NTM: variants seen among roughly 807,000 people sequenced by gnomAD.
NTM encodes the protein neurotrimin.
Under a neutral mutation model 42.1 loss-of-function variants are expected in NTM, and 13 were observed. The ratio of observed to expected loss-of-function variants is 0.31; its 90% CI spans 0.20 to 0.49. NTM has a LOEUF of 0.49. Among genes scored for constraint, NTM ranks in the 20% least tolerant of loss-of-function variants. The pLI, the probability that NTM is intolerant of heterozygous loss-of-function variation, is 0.99. For synonymous variants in NTM, 187 were observed against 179.2 expected (o/e 1.04, Z -0.35); for missense variants, 373 against 452.8 (o/e 0.82, Z 1.60).
chr11:132,236,219 A>G (rs970106969), intron 4 of NTM, among the ~76,000 whole-genome samples: 2 of 152,202 alleles, frequency 1.3e-5, no homozygotes, highest in African/African-American at 4.8e-5. Context: ...AATCTTCATA[A>G]TGAGGTAAGT....
In NTM at chr11:131,828,806, G is replaced by A. The variant is rs143931123; in HGVS notation, c.83-82758G>A. On this transcript the variant is annotated intron_variant, in intron 1 of 8. Transcript: ENST00000683400. Reference sequence around the variant, plus strand: ...ACCTAGTCTCTATTCTACCTTCCAAGTATCAGAGTATCTAAAGCCCACTTT... The same window carrying A: ...ACCTAGTCTCTATTCTACCTTCCAAATATCAGAGTATCTAAAGCCCACTTT... 6.5e-3 allele frequency among the ~76,000 whole-genome samples: 994 copies of A among 152,168 alleles called. 2 individuals carry two copies. The highest frequency in any genetic ancestry group is 0.027 in the Middle Eastern group (8 of 294).
intron 1 of NTM, among the ~76,000 whole-genome samples, chr11:131,901,791 A>G (rs1467569314): frequency 6.6e-6 from 1 of 152,224 alleles, no homozygotes; most frequent in African/African-American, 2.4e-5. Flanking sequence ...CGTTGACAAC[A>G]TTTTCCAAAT....
At chr11:132,196,636 C>G (rs538637241) in intron 3 of NTM, among the ~76,000 whole-genome samples, 102 of 152,220 alleles carry the variant, frequency 6.7e-4, no homozygotes, top group African/African-American at 2.3e-3. Context: ...CATGTTCTTT[C>G]CAGTAGCATG....
intron 1 of NTM, among the ~76,000 whole-genome samples, chr11:131,708,112 A>G (rs1159863048): frequency 6.6e-6 from 1 of 152,172 alleles, no homozygotes; most frequent in Non-Finnish European, 1.5e-5. Context: ...AGTGAGAACT[A>G]ACAGTAAGCT....
At chr11:132,066,428 C>A (rs2056501681) in intron 2 of NTM, among the ~76,000 whole-genome samples, 1 of 152,178 alleles carries the variant, frequency 6.6e-6, no homozygotes, top group Non-Finnish European at 1.5e-5. Flanking sequence ...ATGACTTTCT[C>A]ATTTTAGTTT....
At chr11:131,577,737 C>A (rs1388577586) in intron 1 of NTM, among the ~76,000 whole-genome samples, 1 of 152,134 alleles carries the variant, frequency 6.6e-6, no homozygotes, top group East Asian at 1.9e-4. Context: ...TGCTCTAAAG[C>A]CATGGAATTT....
At chr11:131,696,568 AG>A (rs2075471705) in intron 1 of NTM, among the ~76,000 whole-genome samples, 1 of 152,156 alleles carries the variant, frequency 6.6e-6, no homozygotes, top group Non-Finnish European at 1.5e-5. Context: ...TACACCCTGT[AG>A]CTAAGTGACC....
chr11:131,789,490 G>GA (rs1242730635), intron 1 of NTM, among the ~76,000 whole-genome samples: 235 of 4,844 alleles, frequency 0.049, 98 homozygotes, highest in Admixed American at 0.06. Flanking sequence ...AGAAGAAGAA[G>GA]AGGAAAGAAG....
chr11:131,765,309 T>C (rs1442027779), intron 1 of NTM, among the ~76,000 whole-genome samples: 1 of 152,160 alleles, frequency 6.6e-6, no homozygotes, highest in African/African-American at 2.4e-5. Context: ...AATACCTTTA[T>C]GATTTGACTT....
chr11:131,849,859 A>G (rs1028436006), intron 1 of NTM, among the ~76,000 whole-genome samples: 1 of 151,246 alleles, frequency 6.6e-6, no homozygotes, highest in Non-Finnish European at 1.5e-5. Context: ...ATTAGGAGAT[A>G]TACCTAATGC....
At chr11:132,227,874 A>T (rs1411639638) in intron 4 of NTM, among the ~76,000 whole-genome samples, 1 of 152,074 alleles carries the variant, frequency 6.6e-6, no homozygotes, top group East Asian at 1.9e-4. Context: ...TTGGAGTGGG[A>T]ACCAGCTTAT....
intron 2 of NTM, among the ~76,000 whole-genome samples, chr11:131,976,148 C>CTTCT (rs2064337281): frequency 6.7e-6 from 1 of 149,566 alleles, no homozygotes; most frequent in Admixed American, 6.7e-5. Flanking sequence ...TCCTTCCTTC[C>CTTCT]TTCCTTCCTT....
At chr11:132,140,563 A>T (rs759424735) in intron 2 of NTM, among the ~76,000 whole-genome samples, 1 of 152,198 alleles carries the variant, frequency 6.6e-6, no homozygotes. Flanking sequence ...ACAAGTTTAG[A>T]GTCTAAAAGA....
intron 1 of NTM, among the ~76,000 whole-genome samples, chr11:131,456,146 T>C (rs1950870824): frequency 6.6e-6 from 1 of 152,098 alleles, no homozygotes; most frequent in Non-Finnish European, 1.5e-5. Flanking sequence ...TAGGCATAAG[T>C]TGATTAAGGA....
intron 6 of NTM, among the ~76,000 whole-genome samples, chr11:132,311,913 G>C (rs559339975): frequency 2.6e-5 from 4 of 152,228 alleles, no homozygotes; most frequent in African/African-American, 9.6e-5. Flanking sequence ...CAGGAGGAGA[G>C]AGCAGGCTGG....
At chr11:131,425,780 G>C (rs1342885963) in intron 1 of NTM, among the ~76,000 whole-genome samples, 1 of 152,140 alleles carries the variant, frequency 6.6e-6, no homozygotes, top group Non-Finnish European at 1.5e-5. Flanking sequence ...GATATAAAGA[G>C]TTTGGGGGTA....
intron 1 of NTM, among the ~76,000 whole-genome samples, chr11:131,400,347 AT>A (rs1362876496): frequency 2.6e-5 from 4 of 152,072 alleles, no homozygotes; most frequent in Non-Finnish European, 5.9e-5. Flanking sequence ...GACCATGCTC[AT>A]TTTCTCAAAC....
In NTM at chr11:131,659,324, C is replaced by T. The variant is rs537760128; in HGVS notation, c.83-252240C>T. ...TTAAAGTATTGTTGCAGCCTGACCA[C>T]ATCCTAGTGTGCAGGGTGCTTCGGG... On this transcript the variant is annotated intron_variant, in intron 1 of 8. Transcript: ENST00000683400. 3.3e-5 allele frequency among the ~76,000 whole-genome samples: 5 copies of T among 152,322 alleles called. No individual in the cohort carries two copies. In the East Asian group the frequency reaches 9.7e-4, roughly 29 times the overall value.
chr11:131,456,055 T>G (rs1488139451), intron 1 of NTM, among the ~76,000 whole-genome samples: 1 of 152,186 alleles, frequency 6.6e-6, no homozygotes, highest in Non-Finnish European at 1.5e-5. Context: ...ATTTTGTGTG[T>G]GTGAAAAATA....
Sources: allele counts gnomAD v4.1 joint callset (sites outside exome capture counted in the v4.1 genomes callset), GRCh38; gene constraint gnomAD v4.1.1; transcripts MANE v1.5; gene names NCBI Gene and HGNC (gene_info 2026-07-23, HGNC 2026-07-21).